The following JAK2 variants were observed in gnomAD, a reference collection of about 807,000 sequenced individuals.
JAK2 encodes Janus kinase 2.
A neutral mutation model predicts 139.3 loss-of-function variants in JAK2; 86 were observed. The ratio of observed to expected loss-of-function variants is 0.62; its 90% CI spans 0.52 to 0.74. The LOEUF (loss-of-function observed/expected upper bound fraction) is 0.74. Among genes scored for constraint, JAK2 ranks in the 30% least tolerant of loss-of-function variants. The pLI is 0.00. For missense variants in JAK2, 1,421 were observed against 1,360.3 expected (o/e 1.04, Z -0.70); for synonymous variants, 490 against 437.7 (o/e 1.12, Z -1.49).
chr9:5,117,779 G>A (rs1219431734), intron 22 of JAK2, among the ~76,000 whole-genome samples: 1 of 152,000 alleles, frequency 6.6e-6, no homozygotes, highest in Non-Finnish European at 1.5e-5. Flanking sequence ...TAATTTTTAA[G>A]AGTATACGAG....
At chr9:5,069,829 T>C (rs906682734) in intron 11 of JAK2, 96 bp from the exon 12 acceptor site, 9 of 642,250 alleles carry the variant, frequency 1.4e-5, no homozygotes, top group Non-Finnish European at 2.1e-5. Context: ...ATTAAGCATT[T>C]CTTATACGTA....
intron 18 of JAK2, 36 bp from the exon 19 acceptor site, chr9:5,081,689 G>C (rs2130617670): frequency 6.8e-7 from 1 of 1,467,068 alleles, no homozygotes; most frequent in Non-Finnish European, 9.5e-7. Flanking sequence ...AATGTTATTT[G>C]CTAATTTAAG....
chr9:5,076,444 A>G lies in JAK2; in HGVS notation c.1865-1009A>G, dbSNP rs993734559. On this transcript the variant is annotated intron_variant, in intron 14 of 24. Coordinates refer to ENST00000381652, the MANE Select transcript of JAK2 (RefSeq NM_004972.4). Reference sequence around the variant, plus strand: ...CAGTCAGCAGCGATTAACATCAAGCAAAAAGATTACAACTTTCTGAAGGCT... The same window carrying G: ...CAGTCAGCAGCGATTAACATCAAGCGAAAAGATTACAACTTTCTGAAGGCT... Among the ~76,000 whole-genome samples the G allele has an allele frequency of 5.3e-5, 8 of 152,300 alleles. No homozygotes were observed. The East Asian group carries it at 1.5e-3, about 29-fold the overall frequency.
chr9:5,062,185 C>T (rs1818224005), intron 8 of JAK2, among the ~76,000 whole-genome samples: 1 of 151,892 alleles, frequency 6.6e-6, no homozygotes, highest in Non-Finnish European at 1.5e-5. Flanking sequence ...GATGCAAAAC[C>T]TGCATATGTG....
At chr9:4,993,952 A>G (rs913784737) in intron 2 of JAK2, among the ~76,000 whole-genome samples, 1 of 152,160 alleles carries the variant, frequency 6.6e-6, no homozygotes, top group South Asian at 2.1e-4. Flanking sequence ...CTGAGTGATC[A>G]TGTATGGATG....
At chr9:5,073,930 G>A (rs1819139460) in intron 14 of JAK2, 145 bp downstream of exon 14, 1 of 603,890 alleles carries the variant, frequency 1.7e-6, no homozygotes, top group African/African-American at 1.9e-5. Flanking sequence ...TGAAAACACT[G>A]TAGGACTATT....
chr9:5,099,691 C>T (rs1821312645), intron 22 of JAK2: 1 of 152,154 alleles, frequency 6.6e-6, no homozygotes. Context: ...ATTTTCTATT[C>T]AACGATGATT....
At chr9:5,010,844 A>G (rs1394199193) in intron 2 of JAK2, among the ~76,000 whole-genome samples, 1 of 152,090 alleles carries the variant, frequency 6.6e-6, no homozygotes, top group East Asian at 1.9e-4. Context: ...TTTGCCTTGA[A>G]TTTTGAAAAT....
chr9:5,010,428 C>A (rs887127306), intron 2 of JAK2, among the ~76,000 whole-genome samples: 1 of 151,920 alleles, frequency 6.6e-6, no homozygotes, highest in Non-Finnish European at 1.5e-5. Context: ...TCAAGCAATT[C>A]TCCTGCCTCA....
intron 13 of JAK2, among the ~76,000 whole-genome samples, 153 bp downstream of exon 13, chr9:5,072,779 GAATTACAGGGTTTGAA>G (rs1346404256): frequency 6.6e-6 from 1 of 152,108 alleles, no homozygotes; most frequent in Non-Finnish European, 1.5e-5. Flanking sequence ...TGGGGCTATA[GAATTACAGGGTTTGAA>G]AATTACCGGA....
At chr9:5,110,462 C>G (rs1822370044) in intron 22 of JAK2, 1 of 152,698 alleles carries the variant, frequency 6.5e-6, no homozygotes, top group Non-Finnish European at 1.5e-5. Flanking sequence ...GCACCCACAC[C>G]TTTTTTAAAG....
At chr9:5,056,687 A>G (rs1817791833) in intron 8 of JAK2, among the ~76,000 whole-genome samples, 1 of 152,198 alleles carries the variant, frequency 6.6e-6, no homozygotes, top group South Asian at 2.1e-4. Flanking sequence ...AAAGCTTGAT[A>G]AATATTTTAT....
intron 22 of JAK2, among the ~76,000 whole-genome samples, chr9:5,120,702 T>C: frequency 6.6e-6 from 1 of 152,186 alleles, no homozygotes; most frequent in East Asian, 1.9e-4. Flanking sequence ...GAGATAAGGA[T>C]GTGATGTAAA....
At chr9:5,073,518 T>G (rs1281660055) in intron 13 of JAK2, among the ~76,000 whole-genome samples, 180 bp from the exon 14 acceptor site, 2 of 152,188 alleles carry the variant, frequency 1.3e-5, no homozygotes, top group Non-Finnish European at 2.9e-5. Flanking sequence ...CACAGGGGTT[T>G]CCTCAGAACG....
intron 5 of JAK2, among the ~76,000 whole-genome samples, chr9:5,046,443 T>C (rs1361771254): frequency 6.6e-6 from 1 of 152,212 alleles, no homozygotes; most frequent in Non-Finnish European, 1.5e-5. Flanking sequence ...TTGTTTCCTA[T>C]GTTTTTGGTG....
At chr9:5,064,017 G>A (rs112324541) in intron 8 of JAK2, among the ~76,000 whole-genome samples, 5,618 of 152,016 alleles carry the variant, frequency 0.037, 169 homozygotes, top group Middle Eastern at 0.058. Context: ...TTAGCCGGGC[G>A]TCTTGGCGTG....
chr9:5,060,527 AT>A (rs1192361689), intron 8 of JAK2, among the ~76,000 whole-genome samples: 1 of 152,142 alleles, frequency 6.6e-6, no homozygotes, highest in Admixed American at 6.5e-5. Flanking sequence ...TCAAGAAACC[AT>A]TTTTTTATGC....
chr9:5,080,480 G>T, intron 17 of JAK2, 53 bp from the exon 18 acceptor site: 3 of 1,537,810 alleles, frequency 2.0e-6, no homozygotes, highest in South Asian at 1.2e-5. Context: ...TTAAAAAGAA[G>T]GTTGGTGTGG....
chr9:5,121,595 C>T (rs1204142892), intron 22 of JAK2, among the ~76,000 whole-genome samples: 2 of 152,102 alleles, frequency 1.3e-5, no homozygotes, highest in Non-Finnish European at 2.9e-5. Context: ...GATAGTTACA[C>T]GTTCTTGAGA....
Sources: allele counts gnomAD v4.1 joint callset (sites outside exome capture counted in the v4.1 genomes callset), GRCh38; gene constraint gnomAD v4.1.1; transcripts MANE v1.5; gene names NCBI Gene and HGNC (gene_info 2026-07-23, HGNC 2026-07-21).